Variants in CAPZA2 observed in about 807,000 individuals in gnomAD.
CAPZA2 encodes the protein F-actin-capping protein subunit alpha-2.
A neutral mutation model predicts 44.0 loss-of-function variants in CAPZA2; 13 were observed. The ratio of observed to expected loss-of-function variants is 0.30; its 90% CI spans 0.19 to 0.47. CAPZA2 has a LOEUF of 0.47. CAPZA2 is among the 20% of genes least tolerant of loss of function. The probability of loss-of-function intolerance (pLI) is 1.00; values close to 1 mark genes in which losing one functional copy is unlikely to be tolerated. For missense variants in CAPZA2, 244 were observed against 338.6 expected (o/e 0.72, Z 2.19); for synonymous variants, 94 against 108.2 (o/e 0.87, Z 0.81).
At chr7:116,883,852 A>G (rs1339454489) in intron 1 of CAPZA2, among the ~76,000 whole-genome samples, 1 of 152,234 alleles carries the variant, frequency 6.6e-6, no homozygotes, top group African/African-American at 2.4e-5. Context: ...TAAATATGCT[A>G]TATGTGTGCT....
chr7:116,906,481 A>G (rs185936055), intron 6 of CAPZA2, 139 bp downstream of exon 6: 1 of 1,385,506 alleles, frequency 7.2e-7, no homozygotes, highest in Non-Finnish European at 9.4e-7. Context: ...TAGCCTTTTG[A>G]TATAAGGAAG....
chr7:116,916,056 T>TTTA lies in CAPZA2; in HGVS notation c.658-4_658-3insTTA. On this transcript the variant is annotated splice_polypyrimidine_tract_variant and splice_region_variant and intron_variant, in intron 8 of 9. Coordinates refer to ENST00000361183, the MANE Select transcript of CAPZA2 (RefSeq NM_006136.3). ...TATTTTTATTTTGTTTTTTTTTTTT[T>TTTA]CAGAATGAAGTGCAAACAGCAAAAG... 1 of 1,516,688 alleles carries TTTA rather than the reference T, an allele frequency of 6.6e-7. No homozygotes were observed. The highest frequency in any genetic ancestry group is 8.8e-7 in the Non-Finnish European group (1 of 1,133,296). 94.0% of individuals were successfully genotyped at this position (1,516,688 alleles called of 1,614,324 possible).
intron 1 of CAPZA2, among the ~76,000 whole-genome samples, chr7:116,883,826 T>C (rs1796727895): frequency 6.6e-6 from 1 of 152,226 alleles, no homozygotes; most frequent in Non-Finnish European, 1.5e-5. Flanking sequence ...AAAGCTCAAC[T>C]AGTTAAATGC....
At chr7:116,874,229 A>G (rs1192955936) in intron 1 of CAPZA2, 2 of 154,096 alleles carry the variant, frequency 1.3e-5, no homozygotes, top group Non-Finnish European at 2.9e-5. Context: ...TTTAAGGAGG[A>G]CCAGGGAGTT....
At chr7:116,894,514 GTTAT>G (rs1295753270) in intron 3 of CAPZA2, among the ~76,000 whole-genome samples, 2 of 152,136 alleles carry the variant, frequency 1.3e-5, no homozygotes, top group Admixed American at 1.3e-4. Flanking sequence ...TAAAATTTCT[GTTAT>G]TTATAGCAGT....
At chr7:116,872,143 T>A (rs1306875540) in intron 1 of CAPZA2, among the ~76,000 whole-genome samples, 1 of 152,156 alleles carries the variant, frequency 6.6e-6, no homozygotes, top group African/African-American at 2.4e-5. Flanking sequence ...TTGAAAAAAA[T>A]TGGTAGTGAA....
chr7:116,874,667 G>A (rs1796598891), intron 1 of CAPZA2: 1 of 152,240 alleles, frequency 6.6e-6, no homozygotes, highest in Admixed American at 6.5e-5. Context: ...AGAAAGTAGT[G>A]CATAGTGGAA....
At chr7:116,899,658 G>GT (rs1374971443) in intron 4 of CAPZA2, among the ~76,000 whole-genome samples, 2 of 9,888 alleles carry the variant, frequency 2.0e-4, no homozygotes, top group Admixed American at 9.3e-4. Context: ...GGGAAGATTT[G>GT]GGTTTTTTTT....
In CAPZA2 at chr7:116,869,284, A is replaced by C. The variant is rs556742383; in HGVS notation, c.39+6634A>C. On this transcript the variant is annotated intron_variant, in intron 1 of 9. Coordinates refer to ENST00000361183, the MANE Select transcript of CAPZA2 (RefSeq NM_006136.3). Reference sequence around the variant, plus strand: ...AATACCCATGGCTGTTTCAAAAAAGAATTTCATAAATTTTATTTTGAGGAT... The same window carrying C: ...AATACCCATGGCTGTTTCAAAAAAGCATTTCATAAATTTTATTTTGAGGAT... Among the ~76,000 whole-genome samples, 14 of 152,358 alleles carry C rather than the reference A, an allele frequency of 9.2e-5. No homozygotes were observed. The South Asian group carries it at 2.9e-3, about 32-fold the overall frequency.
chr7:116,890,521 AAAAAATATATATATATATATATATATAT>A lies in CAPZA2; in HGVS notation c.103+2333_103+2360del, dbSNP rs1796818579. 3.4e-4 allele frequency among the ~76,000 whole-genome samples: 16 copies of A among 47,324 alleles called. 3 individuals carry two copies. The highest frequency in any genetic ancestry group is 1.8e-3 in the African/African-American group (16 of 8,840). The allele number at this position is 47,324 out of a possible 152,430, so 31.0% of individuals were successfully genotyped here. A position where few individuals can be genotyped will look rare whatever the true frequency, so the allele number is the denominator to read the frequency against. ...CCCTGTCTCTACTTAAAAAAAAAAA[AAAAAATATATATATATATATATATATAT>A]ATATATATATATATATATACACATA... On this transcript the variant is annotated intron_variant, in intron 2 of 9. Transcript: ENST00000361183.
intron 3 of CAPZA2, among the ~76,000 whole-genome samples, chr7:116,897,019 A>G (rs2115942258): frequency 6.6e-6 from 1 of 152,248 alleles, no homozygotes; most frequent in African/African-American, 2.4e-5. Flanking sequence ...AGCCTTTAAG[A>G]TAAAATTTTA....
chr7:116,899,658 G>GA (rs1374971443), intron 4 of CAPZA2, among the ~76,000 whole-genome samples: 2 of 9,888 alleles, frequency 2.0e-4, no homozygotes, highest in African/African-American at 8.4e-4. Flanking sequence ...GGGAAGATTT[G>GA]GGTTTTTTTT....
chr7:116,907,132 T>C (rs1046618733), intron 6 of CAPZA2, among the ~76,000 whole-genome samples: 7 of 151,800 alleles, frequency 4.6e-5, no homozygotes, highest in African/African-American at 1.7e-4. Flanking sequence ...CTATTAAGGG[T>C]AAAGTAACAG....
At chr7:116,864,340 TAAC>T (rs1373313851) in intron 1 of CAPZA2, among the ~76,000 whole-genome samples, 1 of 152,120 alleles carries the variant, frequency 6.6e-6, no homozygotes, top group Non-Finnish European at 1.5e-5. Context: ...AAAAATGAGA[TAAC>T]AAGATGCCTT....
intron 1 of CAPZA2, among the ~76,000 whole-genome samples, chr7:116,871,423 C>T (rs890505725): frequency 6.6e-6 from 1 of 152,184 alleles, no homozygotes; most frequent in Non-Finnish European, 1.5e-5. Context: ...CATGTATTCT[C>T]TCTATTAATT....
chr7:116,866,036 A>T (rs1170268193), intron 1 of CAPZA2, among the ~76,000 whole-genome samples: 1 of 152,234 alleles, frequency 6.6e-6, no homozygotes, highest in Non-Finnish European at 1.5e-5. Context: ...TTTGTTTTTT[A>T]AAATCATACA....
intron 9 of CAPZA2, among the ~76,000 whole-genome samples, chr7:116,916,624 CAAAA>C (rs375229154): frequency 7.5e-6 from 1 of 134,056 alleles, no homozygotes; most frequent in Non-Finnish European, 1.6e-5. Context: ...GACTCCGTCT[CAAAA>C]AAAAAAAAGA....
chr7:116,889,173 T>TAAGA (rs1796800391), intron 2 of CAPZA2, among the ~76,000 whole-genome samples: 1 of 152,190 alleles, frequency 6.6e-6, no homozygotes, highest in African/African-American at 2.4e-5. Context: ...TCCTCAGCAG[T>TAAGA]AAGAACAACA....
intron 6 of CAPZA2, among the ~76,000 whole-genome samples, chr7:116,907,814 C>T (rs1300111392): frequency 6.6e-6 from 1 of 152,138 alleles, no homozygotes; most frequent in African/African-American, 2.4e-5. Flanking sequence ...TTTCACTTTA[C>T]AAGGGTAATT....
Sources: gnomAD v4.1 joint callset for allele counts (sites outside exome capture counted in the v4.1 genomes callset) on GRCh38, gnomAD v4.1.1 for gene constraint, MANE v1.5 for transcripts, NCBI Gene and HGNC (gene_info 2026-07-23, HGNC 2026-07-21) for gene names.